PDE1A: variants seen among roughly 807,000 people sequenced by gnomAD.
PDE1A encodes the protein phosphodiesterase 1A, also known as dual specificity calcium/calmodulin-dependent 3',5'-cyclic nucleotide phosphodiesterase 1A.
A neutral mutation model predicts 61.7 loss-of-function variants in PDE1A; 35 were observed. The observed-to-expected ratio is 0.57, with a 90% confidence interval of 0.43 to 0.75. The LOEUF is 0.75. Among genes scored for constraint, PDE1A ranks in the 30% least tolerant of loss-of-function variants. PDE1A has a pLI of 0.00. For missense variants in PDE1A, 597 were observed against 630.6 expected, an observed-to-expected ratio of 0.95 and a Z score of 0.57; for synonymous variants, 232 against 213.2, an observed-to-expected ratio of 1.09 and a Z score of -0.77.
intron 1 of PDE1A, among the ~76,000 whole-genome samples, chr2:182,301,397 A>G (rs1304734394): frequency 6.6e-6 from 1 of 152,188 alleles, no homozygotes; most frequent in Non-Finnish European, 1.5e-5. Context: ...AGAACCAAAA[A>G]GTCAAACTAT....
At chr2:182,559,820 A>C in the PDE1A span, among the ~76,000 whole-genome samples, 2 of 152,164 alleles carry the variant, frequency 1.3e-5, no homozygotes, top group East Asian at 3.9e-4. Flanking sequence ...ACAACTAAAC[A>C]AAACAGGATG....
chr2:182,360,754 T>C (rs945456265), intron 1 of PDE1A, among the ~76,000 whole-genome samples: 1 of 151,828 alleles, frequency 6.6e-6, no homozygotes, highest in Non-Finnish European at 1.5e-5. Flanking sequence ...AAGGGGCCCA[T>C]GAAGGCAAAA....
the PDE1A span, among the ~76,000 whole-genome samples, chr2:182,600,257 A>G: frequency 6.6e-6 from 1 of 152,118 alleles, no homozygotes; most frequent in African/African-American, 2.4e-5. Flanking sequence ...CAGAATATTC[A>G]TTTTCTGAAA....
At chr2:182,645,420 T>C in the PDE1A span, among the ~76,000 whole-genome samples, 7 of 152,352 alleles carry the variant, frequency 4.6e-5, no homozygotes, top group African/African-American at 1.7e-4. Context: ...TGGCAATCTA[T>C]CTTTTTTCAC....
chr2:182,144,117 CT>C (rs769179736), downstream of PDE1A, among the ~76,000 whole-genome samples: 2 of 152,182 alleles, frequency 1.3e-5, no homozygotes, highest in Non-Finnish European at 2.9e-5. Context: ...CCAGGCAAGT[CT>C]ACTGACTAAA....
At chr2:182,547,228 T>C in the PDE1A span, among the ~76,000 whole-genome samples, 1 of 152,194 alleles carries the variant, frequency 6.6e-6, no homozygotes, top group Admixed American at 6.5e-5. Context: ...TGGGTTTCCA[T>C]CTCGTTGTTG....
At chr2:182,327,950 C>T (rs780963238) in intron 1 of PDE1A, among the ~76,000 whole-genome samples, 1 of 152,174 alleles carries the variant, frequency 6.6e-6, no homozygotes, top group African/African-American at 2.4e-5. Context: ...AGAAGGAATG[C>T]GATTTAGCAC....
the PDE1A span, among the ~76,000 whole-genome samples, chr2:182,704,610 A>T: frequency 5.3e-5 from 8 of 152,236 alleles, no homozygotes; most frequent in African/African-American, 1.4e-4. Context: ...TACTTTATTT[A>T]AAAATAATCC....
Position 182,238,618 on chromosome 2 carries a change from A to C in PDE1A, c.350+1492T>G, listed in dbSNP as rs528214393. Among the ~76,000 whole-genome samples the C allele has an allele frequency of 2.6e-3, 393 of 152,278 alleles. 1 individual carries two copies. The highest frequency in any genetic ancestry group is 9.2e-3 in the African/African-American group (381 of 41,562). On this transcript the variant is annotated intron_variant, in intron 3 of 13. Transcript: ENST00000351439. ...GATTACTTTTGAAAATTTCCAATAA[A>C]CTTGTCCCACTATTTTTATGCACCT...
At chr2:182,411,727 C>T (rs1473304620) in intron 1 of PDE1A, among the ~76,000 whole-genome samples, 3 of 152,056 alleles carry the variant, frequency 2.0e-5, no homozygotes, top group Non-Finnish European at 4.4e-5. Context: ...AAGGATGCTA[C>T]TGGAATCTTG....
chr2:182,542,059 G>A, the PDE1A span, among the ~76,000 whole-genome samples: 2 of 152,020 alleles, frequency 1.3e-5, no homozygotes, highest in African/African-American at 2.4e-5. Flanking sequence ...AACATTTGCT[G>A]AAAATATCTC....
intron 13 of PDE1A, among the ~76,000 whole-genome samples, chr2:182,160,473 CCTCT>C (rs1003293895): frequency 2.6e-5 from 4 of 152,212 alleles, no homozygotes; most frequent in South Asian, 2.1e-4. Context: ...TTTCTTTTGG[CCTCT>C]CTGTCTCTCT....
the PDE1A span, among the ~76,000 whole-genome samples, chr2:182,566,713 T>A: frequency 6.6e-6 from 1 of 152,144 alleles, no homozygotes; most frequent in Non-Finnish European, 1.5e-5. Flanking sequence ...AGGAAGCTGA[T>A]CCTAGTGAGA....
intron 1 of PDE1A, among the ~76,000 whole-genome samples, chr2:182,395,297 C>T (rs1420212178): frequency 2.0e-5 from 3 of 152,208 alleles, no homozygotes; most frequent in African/African-American, 7.2e-5. Context: ...CCCTTGATTG[C>T]TTTTCCTTTT....
the PDE1A span, among the ~76,000 whole-genome samples, chr2:182,583,716 G>A: frequency 6.6e-6 from 1 of 152,072 alleles, no homozygotes; most frequent in Admixed American, 6.6e-5. Flanking sequence ...CAATTTTTCT[G>A]CATTATTCAC....
chr2:182,611,675 A>T, the PDE1A span, among the ~76,000 whole-genome samples: 1 of 152,198 alleles, frequency 6.6e-6, no homozygotes, highest in Non-Finnish European at 1.5e-5. Context: ...CTTTTACAGC[A>T]TTCTTTAGTA....
chr2:182,554,706 T>C, the PDE1A span, among the ~76,000 whole-genome samples: 2 of 152,196 alleles, frequency 1.3e-5, no homozygotes, highest in African/African-American at 4.8e-5. Flanking sequence ...TTCAAACATG[T>C]TTTATAATGT....
chr2:182,232,419 T>C (rs993541950), intron 4 of PDE1A, among the ~76,000 whole-genome samples: 1 of 152,184 alleles, frequency 6.6e-6, no homozygotes, highest in South Asian at 2.1e-4. Context: ...CAAATTTCAT[T>C]CAACACATTT....
chr2:182,393,376 C>T (rs1427704937), intron 1 of PDE1A, among the ~76,000 whole-genome samples: 1 of 146,438 alleles, frequency 6.8e-6, no homozygotes, highest in Non-Finnish European at 1.5e-5. Flanking sequence ...ACCCTACCCA[C>T]AGAACCTTTT....
Sources: gnomAD v4.1 joint callset for allele counts (sites outside exome capture counted in the v4.1 genomes callset) on GRCh38, gnomAD v4.1.1 for gene constraint, MANE v1.5 for transcripts, NCBI Gene and HGNC (gene_info 2026-07-23, HGNC 2026-07-21) for gene names.